FHIT: variants seen among roughly 807,000 people sequenced by gnomAD.
FHIT encodes bis(5'-adenosyl)-triphosphatase.
A neutral mutation model predicts 17.9 loss-of-function variants in FHIT; 19 were observed. The ratio of observed to expected loss-of-function variants is 1.06; its 90% CI spans 0.74 to 1.56. The LOEUF (loss-of-function observed/expected upper bound fraction) is 1.56. Among genes scored for constraint, FHIT ranks in the 40% most tolerant of loss-of-function variants. FHIT has a pLI of 0.00. For synonymous variants in FHIT, 81 were observed against 69.7 expected, an observed-to-expected ratio of 1.16 and a Z score of -0.81; for missense variants, 248 against 189.2, an observed-to-expected ratio of 1.31 and a Z score of -1.82.
At chr3:60,256,059 C>T (rs1039722559) in intron 5 of FHIT, among the ~76,000 whole-genome samples, 1 of 152,136 alleles carries the variant, frequency 6.6e-6, no homozygotes, top group African/African-American at 2.4e-5. Context: ...TGTGGCCCAC[C>T]TTTATACCTA....
At position 60,593,424 on chromosome 3, in the gene FHIT, G is replaced by C. The variant is rs190301813; in HGVS notation, c.-17-56445C>G. On this transcript the variant is annotated intron_variant, in intron 4 of 9. Coordinates refer to ENST00000492590, the MANE Select transcript of FHIT (RefSeq NM_002012.4). ...GCATATCACTGAAGAAAGGTATTTG[G>C]GGTTTCTATCAGGACAATAACAGGC... Among the ~76,000 whole-genome samples the C allele has an allele frequency of 2.3e-3, 354 of 152,140 alleles. 4 individuals carry two copies. Among genetic ancestry groups the C allele is most frequent in the African/African-American group, 7.2e-3 (299 of 41,508 alleles).
chr3:60,152,365 T>C (rs1432165785), intron 5 of FHIT, among the ~76,000 whole-genome samples: 3 of 152,212 alleles, frequency 2.0e-5, no homozygotes, highest in African/African-American at 7.2e-5. Context: ...GAAAAAATTA[T>C]TGTAGCTATT....
intron 5 of FHIT, among the ~76,000 whole-genome samples, chr3:60,041,996 A>C (rs1701458962): frequency 6.6e-6 from 1 of 152,214 alleles, no homozygotes; most frequent in East Asian, 1.9e-4. Flanking sequence ...TAAAAAAATA[A>C]TACTCCTTAT....
At chr3:60,452,171 T>C (rs1215124021) in intron 5 of FHIT, among the ~76,000 whole-genome samples, 1 of 152,172 alleles carries the variant, frequency 6.6e-6, no homozygotes, top group Non-Finnish European at 1.5e-5. Flanking sequence ...CATAAATCAA[T>C]TTACAGTGCA....
intron 3 of FHIT, among the ~76,000 whole-genome samples, chr3:60,964,756 GCCC>G (rs543030014): frequency 5.0e-4 from 76 of 152,112 alleles, no homozygotes; most frequent in African/African-American, 1.6e-3. Flanking sequence ...TGTTGAATTG[GCCC>G]CCATTCTCTT....
rs558837987 is a variant in FHIT at position 61,035,675 on chromosome 3, G to C, written c.-111+6372C>G. On this transcript the variant is annotated intron_variant, in intron 3 of 9. Transcript: ENST00000492590. Reference sequence around the variant, plus strand: ...TCTCATATGTAAACTGAAAGGATTAGACTAAATTATTCCTGAGGGTTTAAA... The same window carrying C: ...TCTCATATGTAAACTGAAAGGATTACACTAAATTATTCCTGAGGGTTTAAA... Among the ~76,000 whole-genome samples, 6 of 152,222 alleles carry C rather than the reference G, an allele frequency of 3.9e-5. No homozygotes were observed. In the South Asian group the frequency reaches 1.0e-3, roughly 26 times the overall value.
chr3:60,942,614 A>G (rs782810005), intron 3 of FHIT, among the ~76,000 whole-genome samples: 2 of 151,968 alleles, frequency 1.3e-5, no homozygotes, highest in Admixed American at 6.6e-5. Context: ...CAAGTTTGAC[A>G]AGTGAGAATG....
chr3:60,340,630 G>A (rs1710469770), intron 5 of FHIT, among the ~76,000 whole-genome samples: 1 of 152,186 alleles, frequency 6.6e-6, no homozygotes, highest in Admixed American at 6.5e-5. Flanking sequence ...TGGGCTGCAG[G>A]ATAATTAATT....
chr3:60,423,348 G>A (rs928618179), intron 5 of FHIT, among the ~76,000 whole-genome samples: 2 of 152,032 alleles, frequency 1.3e-5, no homozygotes, highest in Non-Finnish European at 2.9e-5. Context: ...TTTCTACAAT[G>A]GGTTTTCTGA....
intron 5 of FHIT, among the ~76,000 whole-genome samples, chr3:60,147,656 G>T (rs1700297404): frequency 6.6e-6 from 1 of 152,130 alleles, no homozygotes; most frequent in Non-Finnish European, 1.5e-5. Flanking sequence ...TAAGTAAAGA[G>T]CAAGGAAACA....
intron 5 of FHIT, among the ~76,000 whole-genome samples, chr3:60,272,505 C>T (rs1026829467): frequency 6.6e-6 from 1 of 152,112 alleles, no homozygotes; most frequent in Non-Finnish European, 1.5e-5. Flanking sequence ...AATGATGAAT[C>T]CTTTAATGAT....
At chr3:60,170,152 T>G (rs1019545487) in intron 5 of FHIT, among the ~76,000 whole-genome samples, 2 of 152,180 alleles carry the variant, frequency 1.3e-5, no homozygotes, top group Non-Finnish European at 2.9e-5. Flanking sequence ...CCAAGGACTT[T>G]TGTTGAAACC....
chr3:61,016,027 T>C (rs1289173654), intron 3 of FHIT, among the ~76,000 whole-genome samples: 5 of 152,234 alleles, frequency 3.3e-5, no homozygotes, highest in African/African-American at 1.2e-4. Flanking sequence ...ACTAGGCTAC[T>C]CTCTTAGGCC....
In FHIT at chr3:60,605,007, T is replaced by C. The variant is rs2038564948; in HGVS notation, c.-17-68028A>G. Among the ~76,000 whole-genome samples, 3 of 152,176 alleles carry C rather than the reference T, an allele frequency of 2.0e-5. 1 individual carries two copies. The South Asian group carries it at 6.2e-4, about 32-fold the overall frequency. ...CCCCTCTCTGTGATTGTGATTTCTC[T>C]CATGTCTAAACCATTCACATTTTTT... On this transcript the variant is annotated intron_variant, in intron 4 of 9. Coordinates refer to ENST00000492590, the MANE Select transcript of FHIT (RefSeq NM_002012.4).
At chr3:59,971,238 A>C (rs1174888826) in intron 7 of FHIT, among the ~76,000 whole-genome samples, 2 of 152,166 alleles carry the variant, frequency 1.3e-5, no homozygotes, top group Non-Finnish European at 2.9e-5. Flanking sequence ...ACAAGATTAA[A>C]AACAAATTAC....
intron 5 of FHIT, among the ~76,000 whole-genome samples, chr3:60,302,232 T>G (rs1708485098): frequency 6.6e-6 from 1 of 152,096 alleles, no homozygotes; most frequent in South Asian, 2.1e-4. Context: ...AAGGAAAGCT[T>G]GGTTTTTATT....
intron 5 of FHIT, among the ~76,000 whole-genome samples, chr3:60,415,951 ATATAT>A (rs1194118182): frequency 6.7e-6 from 1 of 148,908 alleles, no homozygotes; most frequent in Admixed American, 6.7e-5. Flanking sequence ...ATAGTGTAAA[ATATAT>A]TATATATAAT....
At chr3:61,193,561 C>T (rs1364534655) in intron 2 of FHIT, among the ~76,000 whole-genome samples, 2 of 152,220 alleles carry the variant, frequency 1.3e-5, no homozygotes, top group East Asian at 3.9e-4. Flanking sequence ...CTTAAGTGAG[C>T]AGACACTCCA....
intron 7 of FHIT, among the ~76,000 whole-genome samples, chr3:59,953,378 T>A (rs1707221381): frequency 6.6e-6 from 1 of 152,128 alleles, no homozygotes; most frequent in African/African-American, 2.4e-5. Context: ...TGTCTCCCTA[T>A]GCACACATTT....
Sources: gnomAD v4.1 joint callset for allele counts (sites outside exome capture counted in the v4.1 genomes callset) on GRCh38, gnomAD v4.1.1 for gene constraint, MANE v1.5 for transcripts, NCBI Gene and HGNC (gene_info 2026-07-23, HGNC 2026-07-21) for gene names.